The following BLZF1 variants were observed in gnomAD, a reference collection of about 807,000 sequenced individuals.
BLZF1 encodes the protein golgin-45.
BLZF1 carries 39 observed loss-of-function variants against 43.8 expected under a neutral mutation model. The ratio of observed to expected loss-of-function variants is 0.89; its 90% CI spans 0.69 to 1.16. The LOEUF (loss-of-function observed/expected upper bound fraction) is 1.16, where lower values mean the gene tolerates loss of function less well. BLZF1 is among the 50% of genes most tolerant of loss of function. BLZF1 has a pLI of 0.00. For synonymous variants in BLZF1, 136 were observed against 159.4 expected, an observed-to-expected ratio of 0.85 and a Z score of 1.11; for missense variants, 449 against 469.8, an observed-to-expected ratio of 0.96 and a Z score of 0.41.
At chr1:169,390,917 T>G (rs1654800131), downstream of BLZF1, among the ~76,000 whole-genome samples, 1 of 152,166 alleles carries the variant, frequency 6.6e-6, no homozygotes. Context: ...ACACATACAT[T>G]TACATATCTT....
rs781747448 is a variant in BLZF1, at chr1:169,376,895, T to C, written c.384T>C (p.Asn128=). The change falls in exon 3 of 7, where the codon AAT becomes AAC. Residue 128 remains asparagine (N), a synonymous_variant. Transcript: ENST00000367808. Reference sequence around the variant, plus strand: ...ATAAGGAACTCTCAGAGGTAAAGAATGTATTGGAAAAGCTCAAGAATTCTG... The same window carrying C: ...ATAAGGAACTCTCAGAGGTAAAGAACGTATTGGAAAAGCTCAAGAATTCTG... ...EPNKELSEVK[N]VLEKLKNSER... The C allele has an allele frequency of 6.2e-7, 1 of 1,613,212 alleles. No homozygotes were observed. The highest frequency in any genetic ancestry group is 2.2e-5 in the East Asian group (1 of 44,854).
chr1:169,387,356 T>A lies in BLZF1; in HGVS notation c.*174T>A, dbSNP rs1259465894. The A allele has an allele frequency of 5.4e-6, 3 of 550,934 alleles. No individual in the cohort carries two copies. The highest frequency in any genetic ancestry group is 9.1e-6 in the Non-Finnish European group (3 of 328,450). The allele number at this position is 550,934 out of a possible 1,614,324, so 34.1% of individuals were successfully genotyped here. A position where few individuals can be genotyped will look rare whatever the true frequency, so the allele number is the denominator to read the frequency against. On this transcript the variant is annotated 3_prime_UTR_variant, in exon 7 of 7. Transcript: ENST00000367808. ...CCAGATTACCCTTTCTTAATAAATA[T>A]CTCAGGGTAAGGAAAGAAAGAAACT...
At chr1:169,381,950 T>G in intron 5 of BLZF1, 112 bp from the exon 6 acceptor site, 1 of 818,326 alleles carries the variant, frequency 1.2e-6, no homozygotes, top group Non-Finnish European at 1.9e-6. Context: ...GAGAAAGGGA[T>G]CAGAGAAAGA....
At chr1:169,396,229 G>C (rs1422509127) in exon 8 of BLZF1, 2 of 152,114 alleles carry the variant, frequency 1.3e-5, no homozygotes, top group African/African-American at 4.8e-5. Flanking sequence ...CACATTTACT[G>C]TTTCTGTTAT....
chr1:169,369,681 A>G, intron 2 of BLZF1, 131 bp downstream of exon 2: 1 of 638,094 alleles, frequency 1.6e-6, no homozygotes, highest in Non-Finnish European at 2.7e-6. Context: ...CTTTATGTTT[A>G]TTTTTTAGTG....
chr1:169,389,151 G>A (rs573168355), downstream of BLZF1, among the ~76,000 whole-genome samples: 18 of 150,396 alleles, frequency 1.2e-4, no homozygotes, highest in East Asian at 1.9e-4. Flanking sequence ...AAAATAAGCC[G>A]TGTGTGGTAG....
intron 6 of BLZF1, 114 bp downstream of exon 6, chr1:169,382,395 C>CTA (rs1176495516): frequency 1.2e-6 from 1 of 856,892 alleles, no homozygotes; most frequent in Non-Finnish European, 1.8e-6. Flanking sequence ...GGATCTAAAC[C>CTA]ACTCATGCTA....
Position 169,387,424 on chromosome 1 carries a change from A to G in BLZF1, c.*242A>G, listed in dbSNP as rs559532398. 3.1e-6 allele frequency: 1 copy of G among 323,290 alleles called. No individual in the cohort carries two copies. The highest frequency in any genetic ancestry group is 4.9e-5 in the Admixed American group (1 of 20,364). The allele number at this position is 323,290 out of a possible 1,614,324, so 20.0% of individuals were successfully genotyped here. The stretch of plus-strand genomic sequence containing the variant: ...ATAGAGAATACTTTCCAAGCAATAC[A>G]TGATACTTTTCCTAAAAGACTCTAA... On this transcript the variant is annotated 3_prime_UTR_variant, in exon 7 of 7. Coordinates refer to ENST00000367808, the MANE Select transcript of BLZF1 (RefSeq NM_001320973.2).
chr1:169,389,324 A>G (rs183362630), downstream of BLZF1, among the ~76,000 whole-genome samples: 98 of 152,212 alleles, frequency 6.4e-4, no homozygotes, highest in African/African-American at 2.3e-3. Context: ...AAAAATTAGC[A>G]AAGGACCTGA....
downstream of BLZF1, among the ~76,000 whole-genome samples, chr1:169,389,594 A>G (rs915660292): frequency 6.6e-6 from 1 of 152,232 alleles, no homozygotes; most frequent in South Asian, 2.1e-4. Flanking sequence ...TGGCCTAGCA[A>G]TTCTGCTTCT....
At position 169,394,578 on chromosome 1, in the gene BLZF1, A is replaced by C. The variant is rs149990072; in HGVS notation, c.*28-1316A>C. Among the ~76,000 whole-genome samples, 20 of 152,300 alleles carry C rather than the reference A, an allele frequency of 1.3e-4. No individual in the cohort carries two copies. In the East Asian group the frequency reaches 3.9e-3, roughly 29 times the overall value. Reference sequence around the variant, plus strand: ...TATAGGGTGTATTTTTTAAGGTACTAACGGGTGGAATTAGGCCTACCCTAT... The same window carrying C: ...TATAGGGTGTATTTTTTAAGGTACTCACGGGTGGAATTAGGCCTACCCTAT... On this transcript the variant is annotated intron_variant, in intron 7 of 7. Coordinates refer to the BLZF1 transcript ENST00000329281.
At chr1:169,392,323 T>C (rs890784244), downstream of BLZF1, among the ~76,000 whole-genome samples, 1 of 152,188 alleles carries the variant, frequency 6.6e-6, no homozygotes, top group Non-Finnish European at 1.5e-5. Flanking sequence ...GACTGACACT[T>C]CCCAATTTCA....
At chr1:169,385,828 T>C (rs1037749162) in intron 6 of BLZF1, among the ~76,000 whole-genome samples, 1 of 151,848 alleles carries the variant, frequency 6.6e-6, no homozygotes, top group African/African-American at 2.4e-5. Flanking sequence ...AAAAAAAAAA[T>C]CTGCAGGACC....
At chr1:169,369,048 G>T (rs936535469) in intron 1 of BLZF1, among the ~76,000 whole-genome samples, 2 of 152,052 alleles carry the variant, frequency 1.3e-5, no homozygotes, top group Admixed American at 6.5e-5. Flanking sequence ...TTTGTCGTTT[G>T]TTAAACATCT....
chr1:169,369,398 A>G (rs892261513), intron 1 of BLZF1, 75 bp from the exon 2 acceptor site: 5 of 716,214 alleles, frequency 7.0e-6, no homozygotes, highest in Non-Finnish European at 1.1e-5. Context: ...TTAAAATATC[A>G]TAACTTTTAA....
chr1:169,375,094 A>C (rs1423088157), intron 2 of BLZF1, among the ~76,000 whole-genome samples: 2 of 151,942 alleles, frequency 1.3e-5, no homozygotes, highest in East Asian at 3.9e-4. Context: ...TCAGAAGTTA[A>C]GAAAAATATG....
chr1:169,389,582 T>C (rs1654768034), downstream of BLZF1, among the ~76,000 whole-genome samples: 1 of 152,228 alleles, frequency 6.6e-6, no homozygotes, highest in Admixed American at 6.5e-5. Flanking sequence ...AGAGTTACCA[T>C]ATGGCCTAGC....
In BLZF1 at chr1:169,387,189, A is replaced by G. The variant is rs116192263; in HGVS notation, c.*7A>G. 6.8e-4 allele frequency: 1,097 copies of G among 1,610,328 alleles called. 2 individuals carry two copies. The African/African-American group carries it at 0.013, about 19-fold the overall frequency. On this transcript the variant is annotated 3_prime_UTR_variant, in exon 7 of 7. Coordinates refer to ENST00000367808, the MANE Select transcript of BLZF1 (RefSeq NM_001320973.2). ...AGAACTGATTGCCCTTTAACAGTCA[A>G]TATGTTGGAGGCATGCTAAGGTACT...
intron 6 of BLZF1, 63 bp downstream of exon 6, chr1:169,382,344 A>T: frequency 7.0e-7 from 1 of 1,436,706 alleles, no homozygotes; most frequent in Non-Finnish European, 9.6e-7. Context: ...GAAAGGTGAC[A>T]TATCATGGAA....
Sources: gnomAD v4.1 joint callset for allele counts (sites outside exome capture counted in the v4.1 genomes callset) on GRCh38, gnomAD v4.1.1 for gene constraint, MANE v1.5 for transcripts, NCBI Gene and HGNC (gene_info 2026-07-23, HGNC 2026-07-21) for gene names.